ARHGAP42: variants seen among roughly 807,000 people sequenced by gnomAD.
ARHGAP42 encodes Rho GTPase activating protein 42.
Under a neutral mutation model 125.0 loss-of-function variants are expected in ARHGAP42, and 63 were observed. The observed-to-expected ratio is 0.50, with a 90% CI of 0.41 to 0.62. The LOEUF is 0.62. Ranked by LOEUF, ARHGAP42 falls within the 20% of genes least tolerant of loss-of-function variation. ARHGAP42 has a pLI of 0.00. For missense variants in ARHGAP42, 766 were observed against 1,024.2 expected (o/e 0.75, Z 3.44); for synonymous variants, 339 against 351.0 (o/e 0.97, Z 0.38).
At chr11:100,980,124 T>G (rs546486438) in intron 22 of ARHGAP42, among the ~76,000 whole-genome samples, 1 of 152,188 alleles carries the variant, frequency 6.6e-6, no homozygotes, top group Admixed American at 6.6e-5. Context: ...TAGAGCCACT[T>G]TGGTATCTTC....
intron 1 of ARHGAP42, among the ~76,000 whole-genome samples, chr11:100,750,936 CT>C (rs762255065): frequency 0.26 from 32,867 of 126,628 alleles, 3,267 homozygotes; most frequent in Non-Finnish European, 0.28. Context: ...TTGATGTATA[CT>C]TTTTTTTTTT....
At chr11:100,746,662 G>A (rs771860407) in intron 1 of ARHGAP42, among the ~76,000 whole-genome samples, 2 of 152,186 alleles carry the variant, frequency 1.3e-5, no homozygotes, top group Non-Finnish European at 2.9e-5. Flanking sequence ...CATAGGTTTG[G>A]GAAGGGGGCA....
rs530347451 is a variant in ARHGAP42 at position 100,695,321 on chromosome 11, C to G, written c.154+7489C>G. ...TTTCTGGTAGGGTAGATTCTTCTCT[C>G]TAGGATTCATTTGCTCTTGATGCCC... On this transcript the variant is annotated intron_variant, in intron 1 of 23. Coordinates refer to ENST00000298815, the MANE Select transcript of ARHGAP42 (RefSeq NM_152432.4). Among the ~76,000 whole-genome samples the G allele has an allele frequency of 3.9e-5, 6 of 152,248 alleles. No homozygotes were observed. The East Asian group carries it at 9.6e-4, about 24-fold the overall frequency.
At chr11:100,723,717 C>CT (rs902913148) in intron 1 of ARHGAP42, among the ~76,000 whole-genome samples, 1 of 151,530 alleles carries the variant, frequency 6.6e-6, no homozygotes, top group Non-Finnish European at 1.5e-5. Flanking sequence ...TAAACAAAAA[C>CT]TTTTTTTTTC....
chr11:100,761,098 C>T lies in ARHGAP42; in HGVS notation c.155-9245C>T, dbSNP rs759121044. Among the ~76,000 whole-genome samples the T allele has an allele frequency of 4.0e-4, 61 of 151,866 alleles. 2 individuals are homozygous for T. Among genetic ancestry groups the T allele is most frequent in the South Asian group, 1.0e-3 (5 of 4,820 alleles). On this transcript the variant is annotated intron_variant, in intron 1 of 23. Transcript: ENST00000298815. ...TGGGAAGCTTAGGAAAATGAAACTC[C>T]TCTATATTGGGTAACTTAGTATTTG...
At chr11:100,939,163 A>T (rs471180) in intron 8 of ARHGAP42, among the ~76,000 whole-genome samples, 8 of 152,156 alleles carry the variant, frequency 5.3e-5, no homozygotes, top group Non-Finnish European at 7.4e-5. Context: ...TAACCGGAAG[A>T]GCCAGGGGTT....
intron 4 of ARHGAP42, among the ~76,000 whole-genome samples, chr11:100,912,458 A>C (rs1866948952): frequency 6.6e-6 from 1 of 152,172 alleles, no homozygotes; most frequent in African/African-American, 2.4e-5. Flanking sequence ...CAGTCTGAAC[A>C]TGCTTATAAA....
chr11:100,945,119 C>T (rs879851532), intron 10 of ARHGAP42, among the ~76,000 whole-genome samples: 2 of 152,038 alleles, frequency 1.3e-5, no homozygotes, highest in African/African-American at 2.4e-5. Flanking sequence ...CATCTTCACC[C>T]GGAGAAGATT....
At chr11:100,833,291 A>G (rs940020063) in intron 3 of ARHGAP42, among the ~76,000 whole-genome samples, 1 of 152,222 alleles carries the variant, frequency 6.6e-6, no homozygotes, top group Non-Finnish European at 1.5e-5. Context: ...TGTTCATTCT[A>G]CTAAGTATCT....
In ARHGAP42 at chr11:100,828,690, C is replaced by CT. The variant is rs770379228; in HGVS notation, c.313-30850dup. Among the ~76,000 whole-genome samples, 1,212 of 143,908 alleles carry CT rather than the reference C, an allele frequency of 8.4e-3. 7 individuals carry two copies. Among genetic ancestry groups the CT allele is most frequent in the Admixed American group, 0.027 (391 of 14,366 alleles). The allele number at this position is 143,908 out of a possible 152,430, so 94.4% of individuals were successfully genotyped here. A position where few individuals can be genotyped will look rare whatever the true frequency, so the allele number is the denominator to read the frequency against. ...TGAAAGATACTGCTTTTCTGTTTGT[C>CT]TTTTTTTTTTTTTTGGAGACAGGGT... On this transcript the variant is annotated intron_variant, in intron 3 of 23. Transcript: ENST00000298815.
At chr11:100,846,625 G>A (rs492138) in intron 3 of ARHGAP42, among the ~76,000 whole-genome samples, 79,524 of 151,876 alleles carry the variant, frequency 0.52, 21,573 homozygotes, top group East Asian at 0.68. Context: ...AGCTGGAGAC[G>A]TAAGCATTTT....
At chr11:100,874,341 A>G (rs900082728) in intron 4 of ARHGAP42, among the ~76,000 whole-genome samples, 4 of 152,174 alleles carry the variant, frequency 2.6e-5, no homozygotes, top group Middle Eastern at 3.2e-3. Flanking sequence ...GGACTGCTAC[A>G]CTGGTAATTA....
intron 1 of ARHGAP42, among the ~76,000 whole-genome samples, chr11:100,711,638 G>A (rs552537392): frequency 2.0e-5 from 3 of 152,338 alleles, no homozygotes; most frequent in South Asian, 2.1e-4. Context: ...GATTACAGGC[G>A]TGAGCCACTG....
intron 1 of ARHGAP42, among the ~76,000 whole-genome samples, chr11:100,716,156 G>A (rs1056542819): frequency 3.3e-5 from 5 of 152,168 alleles, no homozygotes; most frequent in Admixed American, 6.5e-5. Context: ...AAACTATCCC[G>A]TAAGCTTCAT....
chr11:100,700,317 C>T (rs927898365), intron 1 of ARHGAP42, among the ~76,000 whole-genome samples: 6 of 152,186 alleles, frequency 3.9e-5, no homozygotes, highest in African/African-American at 1.4e-4. Flanking sequence ...ATGTTCATGG[C>T]TACTGACTGA....
At chr11:100,758,632 C>G (rs1180802034) in intron 1 of ARHGAP42, among the ~76,000 whole-genome samples, 1 of 152,050 alleles carries the variant, frequency 6.6e-6, no homozygotes, top group Non-Finnish European at 1.5e-5. Flanking sequence ...ACATGTCTTT[C>G]CAGTCATTGT....
intron 4 of ARHGAP42, among the ~76,000 whole-genome samples, chr11:100,867,846 AG>A (rs1300998729): frequency 1.3e-5 from 2 of 152,266 alleles, no homozygotes; most frequent in Admixed American, 1.3e-4. Flanking sequence ...TTTTCCTTTC[AG>A]TTGAATACTT....
chr11:100,947,388 T>G (rs1012161897), intron 10 of ARHGAP42, among the ~76,000 whole-genome samples: 3 of 151,978 alleles, frequency 2.0e-5, no homozygotes, highest in African/African-American at 7.2e-5. Flanking sequence ...TACCAACATG[T>G]TAATGCTTTG....
intron 6 of ARHGAP42, among the ~76,000 whole-genome samples, chr11:100,925,738 A>G (rs981216398): frequency 6.6e-6 from 1 of 152,210 alleles, no homozygotes; most frequent in Non-Finnish European, 1.5e-5. Context: ...ACTCTGTCTC[A>G]AAAAAATAAA....
Sources: allele counts gnomAD v4.1 joint callset (sites outside exome capture counted in the v4.1 genomes callset), GRCh38; gene constraint gnomAD v4.1.1; transcripts MANE v1.5; gene names NCBI Gene and HGNC (gene_info 2026-07-23, HGNC 2026-07-21).